The following DSCAML1 variants were observed in gnomAD, a reference collection of about 807,000 sequenced individuals.
The protein encoded by DSCAML1 is cell adhesion molecule DSCAML1.
In DSCAML1, 38 loss-of-function variants were observed where a neutral mutation model predicts 200.5. That is an observed-to-expected ratio of 0.19 (90% CI 0.15 to 0.25). The LOEUF (loss-of-function observed/expected upper bound fraction) is 0.25. Ranked by LOEUF, DSCAML1 falls within the 10% of genes least tolerant of loss-of-function variation. DSCAML1 has a pLI of 1.00. For synonymous variants in DSCAML1, 1,215 were observed against 1,165.0 expected (o/e 1.04, Z -0.87); for missense variants, 2,223 against 2,858.8 (o/e 0.78, Z 5.07).
At chr11:117,601,624 A>G (rs1485551438) in intron 3 of DSCAML1, among the ~76,000 whole-genome samples, 1 of 152,236 alleles carries the variant, frequency 6.6e-6, no homozygotes, top group African/African-American at 2.4e-5. Context: ...GCAACACTAT[A>G]GAATGTGGTC....
chr11:117,447,822 G>A (rs148392155), intron 20 of DSCAML1, among the ~76,000 whole-genome samples: 20 of 152,260 alleles, frequency 1.3e-4, no homozygotes, highest in East Asian at 3.9e-4. Flanking sequence ...TGATACGCGC[G>A]TGTGCCCTCA....
Position 117,780,304 on chromosome 11 carries a change from G to GAAAGAAAGAAAGAAAGAA in DSCAML1, c.364+188_364+189insTTCTTTCTTTCTTTCTTT, listed in dbSNP as rs71037499. Among the ~76,000 whole-genome samples, 442 of 98,164 alleles carry GAAAGAAAGAAAGAAAGAA rather than the reference G, an allele frequency of 4.5e-3. 6 individuals carry two copies. The highest frequency in any genetic ancestry group is 0.011 in the African/African-American group (309 of 27,370). 64.4% of individuals were successfully genotyped at this position (98,164 alleles called of 152,430 possible). On this transcript the variant is annotated intron_variant, in intron 2 of 32. Coordinates refer to ENST00000651296, the MANE Select transcript of DSCAML1 (RefSeq NM_020693.4). The surrounding 1 kb of genome is among the most constrained non-coding windows in gnomAD (Gnocchi z 4.8). ...AGAAAGAAAGAAAGAAAGAAAGAAA[G>GAAAGAAAGAAAGAAAGAA]AGAGAAAGGAGAAAGAAAGGTGTCT... is the stretch of plus-strand genomic sequence containing the variant.
At chr11:117,535,406 A>G (rs1343233854) in intron 3 of DSCAML1, among the ~76,000 whole-genome samples, 3 of 152,100 alleles carry the variant, frequency 2.0e-5, no homozygotes, top group African/African-American at 7.2e-5. Flanking sequence ...GTCTTCTGGA[A>G]CCTAGAGTTT....
At chr11:117,449,122 A>G (rs2048235229) in intron 20 of DSCAML1, among the ~76,000 whole-genome samples, 1 of 152,244 alleles carries the variant, frequency 6.6e-6, no homozygotes, top group Non-Finnish European at 1.5e-5. Flanking sequence ...GACAAATGGT[A>G]TGATTCCATT....
chr11:117,674,658 C>A lies in DSCAML1; in HGVS notation c.511+102133G>T, dbSNP rs140274801. ...TTCCATGAGGCACCCGACTAAGCAC[C>A]CCTTTCTTCTGTATGGACTTGCAGA... On this transcript the variant is annotated intron_variant, in intron 3 of 32. Coordinates refer to ENST00000651296, the MANE Select transcript of DSCAML1 (RefSeq NM_020693.4). Among the ~76,000 whole-genome samples the A allele has an allele frequency of 7.3e-3, 1,115 of 152,240 alleles. 7 individuals are homozygous for A. Among genetic ancestry groups the A allele is most frequent in the Non-Finnish European group, 0.013 (869 of 68,004 alleles).
chr11:117,766,407 A>G (rs752235591), intron 3 of DSCAML1, among the ~76,000 whole-genome samples: 11 of 152,218 alleles, frequency 7.2e-5, no homozygotes, highest in Non-Finnish European at 1.3e-4. Context: ...AACACCAGCA[A>G]AGCAAATGGG....
At chr11:117,649,163 G>T (rs540370801) in intron 3 of DSCAML1, among the ~76,000 whole-genome samples, 1 of 150,024 alleles carries the variant, frequency 6.7e-6, no homozygotes, top group African/African-American at 2.5e-5. Flanking sequence ...TGCAACCTCC[G>T]CCTCCCAGGG....
chr11:117,528,396 C>T (rs1365490161), intron 4 of DSCAML1, among the ~76,000 whole-genome samples: 1 of 152,222 alleles, frequency 6.6e-6, no homozygotes, highest in Non-Finnish European at 1.5e-5. Flanking sequence ...TCCATTACTC[C>T]AGAGCAGAAG....
intron 4 of DSCAML1, among the ~76,000 whole-genome samples, chr11:117,526,767 C>T (rs12806934): frequency 0.16 from 25,031 of 152,110 alleles, 2,290 homozygotes; most frequent in South Asian, 0.31. Context: ...CCACCCGCCT[C>T]GGCTTCCCAA....
chr11:117,589,672 G>A lies in DSCAML1; in HGVS notation c.512-57150C>T, dbSNP rs1292680649. Among the ~76,000 whole-genome samples, 3 of 152,348 alleles carry A rather than the reference G, an allele frequency of 2.0e-5. No homozygotes were observed. The East Asian group carries it at 5.8e-4, about 29-fold the overall frequency. On this transcript the variant is annotated intron_variant, in intron 3 of 32. Transcript: ENST00000651296. ...CAGAGCGACTGAATCCAGGTTGTGA[G>A]TTGCAAAGAGCCCCTGGGATTGGGC...
chr11:117,702,173 G>A (rs2053681978), intron 3 of DSCAML1, among the ~76,000 whole-genome samples: 1 of 152,200 alleles, frequency 6.6e-6, no homozygotes, highest in Admixed American at 6.5e-5. Flanking sequence ...ATAGGATCAT[G>A]TTGGTCTCCC....
At chr11:117,509,869 T>G (rs1366618258) in intron 8 of DSCAML1, among the ~76,000 whole-genome samples, 1 of 152,198 alleles carries the variant, frequency 6.6e-6, no homozygotes, top group Admixed American at 6.5e-5. Context: ...CTCTTTACTG[T>G]GGAGTCCAGC....
At chr11:117,542,600 G>C (rs1217589259) in intron 3 of DSCAML1, among the ~76,000 whole-genome samples, 1 of 152,254 alleles carries the variant, frequency 6.6e-6, no homozygotes, top group Admixed American at 6.5e-5. Context: ...GATTTGGAGA[G>C]AGATCCAGGT....
At chr11:117,513,039 G>A (rs561183394) in intron 8 of DSCAML1, among the ~76,000 whole-genome samples, 4 of 152,108 alleles carry the variant, frequency 2.6e-5, no homozygotes, top group East Asian at 1.9e-4. Flanking sequence ...CAACAAACCC[G>A]ACCAAATGCT....
Position 117,432,398 on chromosome 11 carries a change from C to CTGGATGAGGGTTGGG in DSCAML1, c.5118_5132dup (p.His1706_Ile1710dup), listed in dbSNP as rs2047819861. ...ACATGTCGATGAGGGGTCCTGTGCT[C>CTGGATGAGGGTTGGG]TGGATGAGGGTTGGGTGGTGCAAGG... On this transcript the variant is annotated inframe_insertion, in exon 30 of 33. Transcript: ENST00000651296. 1 of 1,613,984 alleles carries CTGGATGAGGGTTGGG rather than the reference C, an allele frequency of 6.2e-7. No individual in the cohort carries two copies. The highest frequency in any genetic ancestry group is 1.7e-5 in the Admixed American group (1 of 59,994).
intron 1 of DSCAML1, among the ~76,000 whole-genome samples, chr11:117,789,492 G>C (rs534362856): frequency 2.6e-5 from 4 of 152,086 alleles, no homozygotes; most frequent in Admixed American, 6.6e-5. Context: ...CTACCCCAGG[G>C]ACACAGCTCA....
At position 117,428,307 on chromosome 11, in the gene DSCAML1, T is replaced by G. The variant is rs768211338; in HGVS notation, c.*21A>C. 5.8e-6 allele frequency: 8 copies of G among 1,367,992 alleles called. No homozygotes were observed. The highest frequency in any genetic ancestry group is 8.2e-6 in the Non-Finnish European group (8 of 970,910). The allele number at this position is 1,367,992 out of a possible 1,614,324, so 84.7% of individuals were successfully genotyped here. ...GCTGCGGCGCGGCGCGGTCCAGGCG[T>G]GGCTGCTCTTCCTGCGGGCCCTACA... On this transcript the variant is annotated 3_prime_UTR_variant, in exon 33 of 33. Coordinates refer to ENST00000651296, the MANE Select transcript of DSCAML1 (RefSeq NM_020693.4).
chr11:117,523,036 G>A (rs2137320753), intron 5 of DSCAML1, among the ~76,000 whole-genome samples: 1 of 152,292 alleles, frequency 6.6e-6, no homozygotes, highest in African/African-American at 2.4e-5. Context: ...AGTGTACTTG[G>A]ATATGGGCAT....
At chr11:117,762,940 C>A (rs2054831057) in intron 3 of DSCAML1, among the ~76,000 whole-genome samples, 1 of 151,574 alleles carries the variant, frequency 6.6e-6, no homozygotes, top group Non-Finnish European at 1.5e-5. Context: ...CAGAAAAGCA[C>A]AATACAAATT....
Sources: allele counts gnomAD v4.1 joint callset (sites outside exome capture counted in the v4.1 genomes callset), GRCh38; gene constraint gnomAD v4.1.1; non-coding constraint Gnocchi (gnomAD v3.1); transcripts MANE v1.5; gene names NCBI Gene and HGNC (gene_info 2026-07-23, HGNC 2026-07-21).